Variants in BAIAP2 observed in about 807,000 individuals in gnomAD.
BAIAP2 encodes BAR/IMD domain containing adaptor protein 2.
Under a neutral mutation model 63.0 loss-of-function variants are expected in BAIAP2, and 18 were observed. That is an observed-to-expected ratio of 0.29 (90% CI 0.20 to 0.42). The LOEUF (loss-of-function observed/expected upper bound fraction) is 0.42. BAIAP2 is among the 10% of genes least tolerant of loss of function. The probability of loss-of-function intolerance (pLI) is 1.00; values close to 1 mark genes in which losing one functional copy is unlikely to be tolerated. For synonymous variants in BAIAP2, 386 were observed against 307.6 expected, an observed-to-expected ratio of 1.25 and a Z score of -2.67; for missense variants, 610 against 734.3, an observed-to-expected ratio of 0.83 and a Z score of 1.96.
At chr17:81,059,781 A>T (rs2050227522) in intron 3 of BAIAP2, among the ~76,000 whole-genome samples, 1 of 151,972 alleles carries the variant, frequency 6.6e-6, no homozygotes, top group Non-Finnish European at 1.5e-5. Flanking sequence ...ATAATTAACC[A>T]GGTGTTGAGG....
At chr17:81,051,092 G>C (rs1396161526) in intron 1 of BAIAP2, among the ~76,000 whole-genome samples, 1 of 151,744 alleles carries the variant, frequency 6.6e-6, no homozygotes. Flanking sequence ...CCCTGCCCCG[G>C]CTCCCAGGCA....
intron 3 of BAIAP2, among the ~76,000 whole-genome samples, chr17:81,068,049 A>C (rs1458692069): frequency 6.6e-6 from 1 of 152,228 alleles, no homozygotes; most frequent in Admixed American, 6.5e-5. Context: ...CTCTGTGGGC[A>C]GGTGTCTGCA....
At chr17:81,096,971 G>A (rs951549844) in intron 6 of BAIAP2, among the ~76,000 whole-genome samples, 2 of 152,086 alleles carry the variant, frequency 1.3e-5, no homozygotes, top group African/African-American at 2.4e-5. Flanking sequence ...AGAAGAAGGA[G>A]AAAGGAGAGG....
At position 81,116,794 on chromosome 17, in the gene BAIAP2, G is replaced by A. The variant is rs1264526102; in HGVS notation, c.*955G>A. 6.2e-6 allele frequency: 1 copy of A among 161,608 alleles called. No homozygotes were observed. Among genetic ancestry groups the A allele is most frequent in the African/African-American group, 2.4e-5 (1 of 41,776 alleles). The allele number at this position is 161,608 out of a possible 1,614,324, so 10.0% of individuals were successfully genotyped here. On this transcript the variant is annotated 3_prime_UTR_variant, in exon 14 of 14. Coordinates refer to ENST00000428708, the MANE Select transcript of BAIAP2 (RefSeq NM_001144888.2). Reference sequence around the variant, plus strand: ...GTGGTGAGCTGCACTGGTGACAACAGCCCTTACCTGGCTGGGGAGGTGTCT... The same window carrying A: ...GTGGTGAGCTGCACTGGTGACAACAACCCTTACCTGGCTGGGGAGGTGTCT...
At position 81,055,205 on chromosome 17, in the gene BAIAP2, C is replaced by T. The variant is rs554419891; in HGVS notation, c.130+1462C>T. Among the ~76,000 whole-genome samples the T allele has an allele frequency of 3.3e-5, 5 of 152,292 alleles. No individual in the cohort carries two copies. The South Asian group carries it at 8.3e-4, about 25-fold the overall frequency. Reference sequence around the variant, plus strand: ...TGGTCAGCCCTCGTTCCTTTTTTACCACCTTTACTCCGTTGTCACCTGGGG... The same window carrying T: ...TGGTCAGCCCTCGTTCCTTTTTTACTACCTTTACTCCGTTGTCACCTGGGG... On this transcript the variant is annotated intron_variant, in intron 2 of 13. Transcript: ENST00000428708.
intron 4 of BAIAP2, 122 bp from the exon 5 acceptor site, chr17:81,085,532 G>GC (rs761137058): frequency 2.5e-6 from 2 of 798,498 alleles, no homozygotes; most frequent in South Asian, 2.8e-5. Flanking sequence ...GGGGGAGGGG[G>GC]CCCCTCCTGC....
chr17:81,098,006 C>T, intron 6 of BAIAP2: 2 of 894,790 alleles, frequency 2.2e-6, no homozygotes, highest in East Asian at 3.3e-5. Flanking sequence ...ACCCCGGGTG[C>T]CGGGTGTCAG....
At chr17:81,112,028 AT>A (rs1306383467) in intron 13 of BAIAP2, among the ~76,000 whole-genome samples, 3 of 152,340 alleles carry the variant, frequency 2.0e-5, no homozygotes, top group Admixed American at 6.5e-5. Flanking sequence ...ATTCTGGAAG[AT>A]TAGGTAGAAA....
intron 6 of BAIAP2, chr17:81,097,581 A>T (rs996531825): frequency 3.3e-5 from 5 of 152,294 alleles, no homozygotes; most frequent in African/African-American, 1.2e-4. Context: ...CGGAGGCCGC[A>T]TCTTCTTAAG....
intron 6 of BAIAP2, among the ~76,000 whole-genome samples, chr17:81,093,894 A>G (rs776480128): frequency 6.6e-6 from 1 of 152,104 alleles, no homozygotes; most frequent in Non-Finnish European, 1.5e-5. Flanking sequence ...CCTCGTTTTC[A>G]CAAAGCTCTT....
chr17:81,090,609 C>T (rs11869611), intron 6 of BAIAP2, among the ~76,000 whole-genome samples: 2,594 of 152,374 alleles, frequency 0.017, 84 homozygotes, highest in African/African-American at 0.058. Context: ...AGCCACACCC[C>T]GGTGTGCTTT....
intron 7 of BAIAP2, among the ~76,000 whole-genome samples, chr17:81,102,216 A>G (rs1053893902): frequency 1.3e-5 from 2 of 151,936 alleles, no homozygotes; most frequent in Admixed American, 6.5e-5. Context: ...GGCAGTTCGT[A>G]GTAGCTCCCT....
At chr17:81,109,516 C>T (rs575047027) in intron 13 of BAIAP2, 119 of 985,542 alleles carry the variant, frequency 1.2e-4, no homozygotes, top group African/African-American at 3.3e-4. Context: ...GGCCTCTGTC[C>T]GGACAGGGAA....
intron 1 of BAIAP2, among the ~76,000 whole-genome samples, chr17:81,039,654 GC>G (rs2046815068): frequency 6.6e-6 from 1 of 151,528 alleles, no homozygotes; most frequent in Non-Finnish European, 1.5e-5. Flanking sequence ...GCTTTCAGGG[GC>G]CACCGTTAGA....
chr17:81,086,345 C>A, intron 5 of BAIAP2, 98 bp from the exon 6 acceptor site: 1 of 1,470,386 alleles, frequency 6.8e-7, no homozygotes. Context: ...AAGGGGACCC[C>A]GTTGCGTTGG....
At chr17:81,108,923 G>T (rs1242307489) in intron 13 of BAIAP2, 4 of 1,536,510 alleles carry the variant, frequency 2.6e-6, no homozygotes, top group Non-Finnish European at 3.5e-6. Flanking sequence ...CTGTGGCTGG[G>T]CAGCGTCGTG....
chr17:81,103,416 T>G (rs1260031205), intron 7 of BAIAP2, 86 bp from the exon 8 acceptor site: 1 of 1,239,162 alleles, frequency 8.1e-7, no homozygotes, highest in East Asian at 2.6e-5. Context: ...CCCCAGAGAG[T>G]GCTCAGGGAG....
chr17:81,095,909 C>T (rs1035583610), intron 6 of BAIAP2, among the ~76,000 whole-genome samples: 1 of 152,184 alleles, frequency 6.6e-6, no homozygotes, highest in African/African-American at 2.4e-5. Flanking sequence ...GCCAGTACCC[C>T]TCGCTGTACT....
rs1189188324 is a variant in BAIAP2 at position 81,104,754 on chromosome 17, C to G, written c.1268+39C>G. 20 of 1,525,190 alleles carry G rather than the reference C, an allele frequency of 1.3e-5. No individual in the cohort carries two copies. The Admixed American group carries it at 3.9e-4, about 30-fold the overall frequency. 94.5% of individuals were successfully genotyped at this position (1,525,190 alleles called of 1,614,324 possible). Reference sequence around the variant, plus strand: ...GGGGGCGGGCTCCAGGCAGCCGCTGCCTTCAGCAAGTGTGTGGGGCAGCGA... The same window carrying G: ...GGGGGCGGGCTCCAGGCAGCCGCTGGCTTCAGCAAGTGTGTGGGGCAGCGA... On this transcript the variant is annotated intron_variant, in intron 10 of 13. Coordinates refer to ENST00000428708, the MANE Select transcript of BAIAP2 (RefSeq NM_001144888.2).
Sources: allele counts gnomAD v4.1 joint callset (sites outside exome capture counted in the v4.1 genomes callset), GRCh38; gene constraint gnomAD v4.1.1; transcripts MANE v1.5; gene names NCBI Gene and HGNC (gene_info 2026-07-23, HGNC 2026-07-21).